Variants in DYNC1I1 observed in about 807,000 individuals in gnomAD.
DYNC1I1 encodes the protein dynein cytoplasmic 1 intermediate chain 1.
Under a neutral mutation model 86.6 loss-of-function variants are expected in DYNC1I1, and 43 were observed. The ratio of observed to expected loss-of-function variants is 0.50; its 90% CI spans 0.39 to 0.64. The LOEUF (loss-of-function observed/expected upper bound fraction) is 0.64, where lower values mean the gene tolerates loss of function less well. Ranked by LOEUF, DYNC1I1 falls within the 30% of genes least tolerant of loss-of-function variation. DYNC1I1 has a pLI of 0.00. For synonymous variants in DYNC1I1, 262 were observed against 283.7 expected, an observed-to-expected ratio of 0.92 and a Z score of 0.77; for missense variants, 604 against 788.8, an observed-to-expected ratio of 0.77 and a Z score of 2.81.
At chr7:95,800,950 C>A (rs907223113) in intron 1 of DYNC1I1, among the ~76,000 whole-genome samples, 2 of 152,318 alleles carry the variant, frequency 1.3e-5, no homozygotes, top group South Asian at 4.1e-4. Flanking sequence ...GCAAGCCCCC[C>A]AGGAAATCCT....
At chr7:95,822,462 T>C (rs980493814) in intron 4 of DYNC1I1, among the ~76,000 whole-genome samples, 4 of 152,214 alleles carry the variant, frequency 2.6e-5, no homozygotes, top group African/African-American at 7.2e-5. Flanking sequence ...GTTTTTGATA[T>C]GTTCAAGGTT....
intron 5 of DYNC1I1, among the ~76,000 whole-genome samples, chr7:95,864,216 A>G (rs1249197391): frequency 6.6e-6 from 1 of 152,206 alleles, no homozygotes; most frequent in Non-Finnish European, 1.5e-5. Context: ...CAATTGAACC[A>G]GAAATGGAAA....
At chr7:95,838,674 C>G (rs1585738) in intron 5 of DYNC1I1, among the ~76,000 whole-genome samples, 2 of 151,782 alleles carry the variant, frequency 1.3e-5, no homozygotes, top group East Asian at 3.9e-4. Context: ...CATGAACATA[C>G]AATGTCTTTT....
intron 4 of DYNC1I1, among the ~76,000 whole-genome samples, chr7:95,817,790 G>A (rs901237675): frequency 3.3e-5 from 5 of 152,090 alleles, no homozygotes; most frequent in African/African-American, 7.2e-5. Flanking sequence ...GAAGTGAATC[G>A]ATCTAAGTGA....
chr7:95,915,535 G>A (rs1791447259), intron 6 of DYNC1I1, among the ~76,000 whole-genome samples: 1 of 152,072 alleles, frequency 6.6e-6, no homozygotes, highest in Non-Finnish European at 1.5e-5. Flanking sequence ...TGATGGAGTG[G>A]GGTCAGATTA....
At chr7:95,899,974 T>C (rs1790993696) in intron 6 of DYNC1I1, among the ~76,000 whole-genome samples, 2 of 152,202 alleles carry the variant, frequency 1.3e-5, no homozygotes, top group African/African-American at 4.8e-5. Context: ...CTTATTATCA[T>C]GTAGGTGCTC....
At chr7:96,041,666 T>C (rs1303098522) in intron 14 of DYNC1I1, among the ~76,000 whole-genome samples, 1 of 152,206 alleles carries the variant, frequency 6.6e-6, no homozygotes, top group African/African-American at 2.4e-5. Context: ...AAGACTTCTA[T>C]GTTCTATTAT....
At chr7:95,791,221 A>G (rs967768041) in intron 1 of DYNC1I1, among the ~76,000 whole-genome samples, 1 of 152,130 alleles carries the variant, frequency 6.6e-6, no homozygotes, top group African/African-American at 2.4e-5. Context: ...TGATAGTTTA[A>G]ATTTGTGCTC....
chr7:96,066,998 T>A (rs928018359), intron 14 of DYNC1I1, among the ~76,000 whole-genome samples: 1 of 152,250 alleles, frequency 6.6e-6, no homozygotes, highest in African/African-American at 2.4e-5. Flanking sequence ...GACAGAAACA[T>A]CTCCTAAAAT....
chr7:95,918,172 A>G (rs1193354686), intron 6 of DYNC1I1, among the ~76,000 whole-genome samples: 2 of 152,028 alleles, frequency 1.3e-5, no homozygotes, highest in African/African-American at 4.8e-5. Context: ...GGAGCAAAAA[A>G]CCTTACTCTT....
chr7:95,804,975 G>C (rs1240289874), intron 2 of DYNC1I1, 138 bp downstream of exon 2: 5 of 1,379,702 alleles, frequency 3.6e-6, no homozygotes, highest in Admixed American at 3.0e-5. Flanking sequence ...TTCCTATTCT[G>C]CATGGTAAAG....
chr7:96,055,258 G>A (rs1055379490), intron 14 of DYNC1I1, among the ~76,000 whole-genome samples: 2 of 151,952 alleles, frequency 1.3e-5, no homozygotes, highest in Admixed American at 6.6e-5. Flanking sequence ...GGGGTCTGTC[G>A]GGGGCTTGGG....
At chr7:95,814,602 T>C (rs1417534393) in intron 4 of DYNC1I1, among the ~76,000 whole-genome samples, 2 of 152,196 alleles carry the variant, frequency 1.3e-5, no homozygotes, top group Admixed American at 6.6e-5. Flanking sequence ...GCATAGTTAA[T>C]TTGGTAGCTG....
In DYNC1I1 at chr7:95,967,773, C is replaced by T. The variant is rs781048270; in HGVS notation, c.491-9739C>T. ...ATATACCCAGCACATAGTAGGTGCT[C>T]ATATTTTGTAACAGGAAAAGAAGAA... On this transcript the variant is annotated intron_variant, in intron 6 of 16. Coordinates refer to ENST00000447467, the MANE Select transcript of DYNC1I1 (RefSeq NM_001135556.2). Among the ~76,000 whole-genome samples the T allele has an allele frequency of 9.2e-4, 140 of 152,248 alleles. No individual in the cohort carries two copies. The Middle Eastern group carries it at 0.014, about 15-fold the overall frequency.
chr7:96,037,316 A>G (rs1451402848), intron 13 of DYNC1I1, among the ~76,000 whole-genome samples: 1 of 152,216 alleles, frequency 6.6e-6, no homozygotes, highest in African/African-American at 2.4e-5. Flanking sequence ...ATTCATAAAT[A>G]TATTTGTTGT....
At chr7:95,775,880 T>C (rs1012044626) in intron 1 of DYNC1I1, among the ~76,000 whole-genome samples, 3 of 152,136 alleles carry the variant, frequency 2.0e-5, no homozygotes, top group African/African-American at 7.2e-5. Flanking sequence ...GTTTTGAGAG[T>C]TAACTCAAAT....
intron 4 of DYNC1I1, among the ~76,000 whole-genome samples, chr7:95,819,734 A>C (rs1795032723): frequency 6.6e-6 from 1 of 152,210 alleles, no homozygotes; most frequent in Admixed American, 6.5e-5. Flanking sequence ...GGGGAGACTG[A>C]AGTCGCTAAT....
chr7:95,820,044 A>G (rs1407025836), intron 4 of DYNC1I1, among the ~76,000 whole-genome samples: 1 of 152,178 alleles, frequency 6.6e-6, no homozygotes, highest in Non-Finnish European at 1.5e-5. Flanking sequence ...TCCAGCTCAG[A>G]TGGACTTCCC....
chr7:95,798,538 A>G (rs1342679419), intron 1 of DYNC1I1, among the ~76,000 whole-genome samples: 1 of 152,144 alleles, frequency 6.6e-6, no homozygotes, highest in Non-Finnish European at 1.5e-5. Context: ...TGACAAGAGC[A>G]ATTGTTTTCA....
Sources: allele counts gnomAD v4.1 joint callset (sites outside exome capture counted in the v4.1 genomes callset), GRCh38; gene constraint gnomAD v4.1.1; transcripts MANE v1.5; gene names NCBI Gene and HGNC (gene_info 2026-07-23, HGNC 2026-07-21).